TENM4: variants seen among roughly 807,000 people sequenced by gnomAD.
TENM4 encodes teneurin transmembrane protein 4, also known as teneurin-4.
Under a neutral mutation model 243.3 loss-of-function variants are expected in TENM4, and 82 were observed. The observed-to-expected ratio is 0.34, with a 90% CI of 0.28 to 0.40. TENM4 has a LOEUF of 0.40. Among genes scored for constraint, TENM4 ranks in the 10% least tolerant of loss-of-function variants. TENM4 has a pLI of 1.00. For missense variants in TENM4, 3,138 were observed against 3,673.3 expected (o/e 0.85, Z 3.77); for synonymous variants, 1,412 against 1,456.3 (o/e 0.97, Z 0.69).
chr11:78,954,799 C>T (rs1217530492), intron 6 of TENM4, among the ~76,000 whole-genome samples: 1 of 152,206 alleles, frequency 6.6e-6, no homozygotes, highest in Non-Finnish European at 1.5e-5. Context: ...TTTAGGTGGG[C>T]ACACCGCTGT....
At chr11:78,843,023 A>C (rs986501023) in intron 12 of TENM4, among the ~76,000 whole-genome samples, 6 of 152,098 alleles carry the variant, frequency 3.9e-5, no homozygotes, top group African/African-American at 1.4e-4. Context: ...TCACACCTAT[A>C]ATCCCTGCAC....
chr11:78,701,768 G>T lies in TENM4; in HGVS notation c.4845C>A (p.Asp1615Glu). Residue 1615 changes from aspartate to glutamate, a missense_variant, in exon 28 of 34, where the codon GAC becomes GAA. Asp to Glu is a conservative substitution (Grantham distance 45). This residue lies in a region of TENM4 where 2,467 missense variants were observed against 3,059.1 expected (regional missense o/e 0.81). Transcript: ENST00000278550. ...TGTCTGTGATGAGTGTGATGTCGCC[G>T]TCCCCAGTGTAGGTGAAGTTGTACA... ...DYLYNFTYTG[D>E]GDITLITDNN... The T allele has an allele frequency of 6.2e-7, 1 of 1,613,928 alleles. No homozygotes were observed. Among genetic ancestry groups the T allele is most frequent in the Non-Finnish European group, 8.5e-7 (1 of 1,179,876 alleles).
chr11:79,329,859 AAAG>A (rs370199434), intron 1 of TENM4, among the ~76,000 whole-genome samples: 218 of 152,272 alleles, frequency 1.4e-3, no homozygotes, highest in African/African-American at 5.1e-3. Flanking sequence ...GGAAGGTTTT[AAAG>A]AAGGGAATGA....
chr11:79,414,056 C>G (rs1041304273), intron 1 of TENM4, among the ~76,000 whole-genome samples: 1 of 151,862 alleles, frequency 6.6e-6, no homozygotes. Flanking sequence ...TATCTCTATA[C>G]CTCAAAATTC....
chr11:78,840,436 C>T (rs914595941), intron 12 of TENM4, among the ~76,000 whole-genome samples: 11 of 152,136 alleles, frequency 7.2e-5, no homozygotes, highest in Non-Finnish European at 1.5e-4. Flanking sequence ...AAGGCATGAA[C>T]AAGCAGCTAC....
At chr11:79,059,695 A>G (rs1402235691) in intron 6 of TENM4, among the ~76,000 whole-genome samples, 2 of 152,216 alleles carry the variant, frequency 1.3e-5, no homozygotes, top group Non-Finnish European at 2.9e-5. Flanking sequence ...TTATCTCTGA[A>G]CTTTTTCATT....
chr11:79,360,058 C>T (rs1857565457), intron 1 of TENM4, among the ~76,000 whole-genome samples: 1 of 152,172 alleles, frequency 6.6e-6, no homozygotes, highest in Non-Finnish European at 1.5e-5. Flanking sequence ...CAAAGAACAT[C>T]CCTCCTCTAT....
Position 79,108,123 on chromosome 11 carries a change from C to T in TENM4, c.-65-38114G>A, listed in dbSNP as rs564289400. 3.3e-5 allele frequency among the ~76,000 whole-genome samples: 5 copies of T among 152,312 alleles called. No homozygotes were observed. The East Asian group carries it at 7.7e-4, about 24-fold the overall frequency. Reference sequence around the variant, plus strand: ...GATAATGGGAGGAACTGGAGACCATCTGGGATGCTTAGTTTTGTGTCAATG... The same window carrying T: ...GATAATGGGAGGAACTGGAGACCATTTGGGATGCTTAGTTTTGTGTCAATG... On this transcript the variant is annotated intron_variant, in intron 4 of 33. Coordinates refer to ENST00000278550, the MANE Select transcript of TENM4 (RefSeq NM_001098816.3).
rs746230475 is a variant in TENM4, at chr11:78,986,563, TTTG to T, written c.493+78172_493+78174del. Among the ~76,000 whole-genome samples the T allele has an allele frequency of 1.2e-4, 19 of 152,194 alleles. 1 individual carries two copies. The highest frequency in any genetic ancestry group is 6.2e-4 in the South Asian group (3 of 4,812). ...TCTTTGGGTGACTGCCAGTTTGGTT[TTTG>T]TTGTTGTTTGTTTTTTGAGACAGAG... On this transcript the variant is annotated intron_variant, in intron 6 of 33. Coordinates refer to ENST00000278550, the MANE Select transcript of TENM4 (RefSeq NM_001098816.3).
In TENM4 at chr11:79,286,947, C is replaced by A. The variant is rs557938580; in HGVS notation, c.-265+10541G>T. Among the ~76,000 whole-genome samples the A allele has an allele frequency of 1.3e-4, 20 of 152,278 alleles. No homozygotes were observed. The South Asian group carries it at 4.2e-3, about 32-fold the overall frequency. ...CAGGAAACTTGATAGCCACAAATAG[C>A]ATGTTGGATAAGCTGTCTGCATAGA... On this transcript the variant is annotated intron_variant, in intron 2 of 33. Coordinates refer to ENST00000278550, the MANE Select transcript of TENM4 (RefSeq NM_001098816.3).
chr11:79,334,400 C>A (rs1198836869), intron 1 of TENM4, among the ~76,000 whole-genome samples: 3 of 152,192 alleles, frequency 2.0e-5, no homozygotes, highest in Admixed American at 1.3e-4. Context: ...GCAACTTTCA[C>A]CGCAGCCTTC....
At chr11:78,750,451 G>C (rs1228376342) in intron 19 of TENM4, among the ~76,000 whole-genome samples, 1 of 152,174 alleles carries the variant, frequency 6.6e-6, no homozygotes. Context: ...GCCATCTCCT[G>C]CCAGAAGTCT....
rs762723848 is a variant in TENM4, at chr11:78,726,141, A to G, written c.3488T>C (p.Ile1163Thr). ...CCATCCTCCAAGCTTGGACGCGTCA[A>G]TTTCATAGCCCTGCAGCACTGTTGT... ...KRTTVLQGYE[I>T]DASKLGGWSL... The change falls in exon 23 of 34, where the codon ATT (isoleucine) becomes ACT (threonine). Residue 1163 changes from isoleucine to threonine, a missense_variant. Ile to Thr is a moderately conservative substitution (Grantham distance 89). Transcript: ENST00000278550. The G allele has an allele frequency of 1.8e-5, 29 of 1,613,874 alleles. No individual in the cohort carries two copies. The highest frequency in any genetic ancestry group is 3.3e-4 in the Middle Eastern group (2 of 6,084).
chr11:78,893,414 T>C (rs1855710668), intron 7 of TENM4, among the ~76,000 whole-genome samples: 1 of 152,216 alleles, frequency 6.6e-6, no homozygotes, highest in Admixed American at 6.5e-5. Context: ...AAGTGTAATT[T>C]GGATCATATC....
At chr11:79,297,932 T>C (rs184147992) in intron 1 of TENM4, among the ~76,000 whole-genome samples, 24 of 151,490 alleles carry the variant, frequency 1.6e-4, no homozygotes, top group Non-Finnish European at 2.2e-4. Flanking sequence ...CTTTTTTTTT[T>C]CTTTTTTTTT....
chr11:79,437,718 G>T (rs1859306070), intron 1 of TENM4, among the ~76,000 whole-genome samples: 1 of 152,244 alleles, frequency 6.6e-6, no homozygotes. Flanking sequence ...CCGGCTCGCC[G>T]GGAAACAGGT....
At chr11:79,139,876 C>T (rs974465033) in intron 4 of TENM4, among the ~76,000 whole-genome samples, 1 of 141,746 alleles carries the variant, frequency 7.1e-6, no homozygotes, top group East Asian at 2.1e-4. Context: ...AGTTCTGTCC[C>T]TCTAGAGAAC....
At chr11:79,079,365 C>A (rs1860609601) in intron 4 of TENM4, among the ~76,000 whole-genome samples, 1 of 152,210 alleles carries the variant, frequency 6.6e-6, no homozygotes, top group African/African-American at 2.4e-5. Flanking sequence ...AGCTGCCTGA[C>A]CCCCTAGAGG....
intron 4 of TENM4, among the ~76,000 whole-genome samples, chr11:79,131,199 G>A (rs534211067): frequency 2.0e-5 from 3 of 152,198 alleles, no homozygotes; most frequent in Non-Finnish European, 2.9e-5. Context: ...AGAATTCATC[G>A]CAAAAAGATT....
Sources: gnomAD v4.1 joint callset for allele counts (sites outside exome capture counted in the v4.1 genomes callset) on GRCh38, gnomAD v4.1.1 for gene constraint, gnomAD v4.1.1 regional missense constraint, MANE v1.5 for transcripts, NCBI Gene and HGNC (gene_info 2026-07-23, HGNC 2026-07-21) for gene names.